Variants in NTRK2 observed in about 807,000 individuals in gnomAD.
NTRK2 encodes neurotrophic receptor tyrosine kinase 2, also known as BDNF/NT-3 growth factors receptor.
A neutral mutation model predicts 94.5 loss-of-function variants in NTRK2; 13 were observed. That is an observed-to-expected ratio of 0.14 (90% CI 0.09 to 0.22). NTRK2 has a LOEUF of 0.22. Among genes scored for constraint, NTRK2 ranks in the 10% least tolerant of loss-of-function variants. The pLI, the probability that NTRK2 is intolerant of heterozygous loss-of-function variation, is 1.00. For missense variants in NTRK2, 639 were observed against 1,071.2 expected, an observed-to-expected ratio of 0.60 and a Z score of 5.63; for synonymous variants, 372 against 407.4, an observed-to-expected ratio of 0.91 and a Z score of 1.05.
intron 14 of NTRK2, among the ~76,000 whole-genome samples, chr9:84,881,451 T>C (rs961397332): frequency 1.3e-5 from 2 of 152,242 alleles, no homozygotes; most frequent in East Asian, 1.9e-4. Context: ...TAAATACTTA[T>C]TGGCAATTTT....
chr9:84,926,194 C>CT (rs2077802907), intron 14 of NTRK2, among the ~76,000 whole-genome samples: 2 of 130,040 alleles, frequency 1.5e-5, no homozygotes, highest in African/African-American at 5.9e-5. Context: ...TTCTTTCTTT[C>CT]TTTCTTTCTT....
At chr9:84,907,195 T>A (rs561400997) in intron 14 of NTRK2, among the ~76,000 whole-genome samples, 19 of 152,302 alleles carry the variant, frequency 1.2e-4, no homozygotes, top group Non-Finnish European at 2.4e-4. Flanking sequence ...TCCTATAGCT[T>A]TGTCCATACC....
intron 12 of NTRK2, among the ~76,000 whole-genome samples, chr9:84,801,726 C>A (rs1340773712): frequency 1.3e-5 from 2 of 152,168 alleles, no homozygotes; most frequent in South Asian, 4.1e-4. Flanking sequence ...ATTTTCAGCT[C>A]ATGATGGGTT....
At chr9:84,842,123 C>T (rs557650963) in intron 12 of NTRK2, among the ~76,000 whole-genome samples, 2 of 152,292 alleles carry the variant, frequency 1.3e-5, no homozygotes, top group South Asian at 4.2e-4. Context: ...TTTTCATGTC[C>T]AGCCAGTCTT....
chr9:84,883,183 G>A (rs897516192), intron 14 of NTRK2, among the ~76,000 whole-genome samples: 1 of 152,198 alleles, frequency 6.6e-6, no homozygotes, highest in Non-Finnish European at 1.5e-5. Context: ...CAGACGATTA[G>A]GATAAATGTA....
chr9:84,810,469 T>C (rs1233557778), intron 12 of NTRK2: 3 of 1,322,272 alleles, frequency 2.3e-6, no homozygotes, highest in Non-Finnish European at 3.2e-6. Context: ...TTGAAAGTTA[T>C]TGTACTTGTA....
intron 17 of NTRK2, among the ~76,000 whole-genome samples, chr9:85,011,473 G>A (rs1452843799): frequency 6.6e-6 from 1 of 152,146 alleles, no homozygotes; most frequent in South Asian, 2.1e-4. Flanking sequence ...GTTGAATGAG[G>A]TCATAAGAGT....
intron 14 of NTRK2, among the ~76,000 whole-genome samples, chr9:84,900,230 T>C (rs1458714011): frequency 1.3e-5 from 2 of 152,168 alleles, no homozygotes; most frequent in Non-Finnish European, 2.9e-5. Context: ...AGAGGTCCTG[T>C]AATTGTATCT....
intron 17 of NTRK2, among the ~76,000 whole-genome samples, chr9:84,991,078 C>T (rs907751927): frequency 5.3e-5 from 8 of 152,170 alleles, no homozygotes; most frequent in Non-Finnish European, 8.8e-5. Context: ...TGGATGGATT[C>T]GTCCCTTCCC....
chr9:84,805,476 C>T (rs1324200920), intron 12 of NTRK2, among the ~76,000 whole-genome samples: 4 of 152,170 alleles, frequency 2.6e-5, no homozygotes, highest in African/African-American at 9.7e-5. Context: ...AACTCTGCAG[C>T]CTTCACTATA....
chr9:84,708,606 T>A (rs911764459), intron 5 of NTRK2, among the ~76,000 whole-genome samples: 3 of 152,182 alleles, frequency 2.0e-5, no homozygotes, highest in South Asian at 2.1e-4. Context: ...CCTCAAAGCA[T>A]CCTAATGCAG....
chr9:84,755,545 T>G (rs2065009946), intron 12 of NTRK2, among the ~76,000 whole-genome samples: 1 of 146,784 alleles, frequency 6.8e-6, no homozygotes, highest in Admixed American at 6.8e-5. Flanking sequence ...TTTTTTTTTT[T>G]TTTTTTTTGG....
At chr9:84,689,117 G>C (rs1341076903) in intron 2 of NTRK2, among the ~76,000 whole-genome samples, 1 of 152,258 alleles carries the variant, frequency 6.6e-6, no homozygotes, top group Non-Finnish European at 1.5e-5. Context: ...GCTTATATGT[G>C]TGCGCATGTG....
intron 15 of NTRK2, among the ~76,000 whole-genome samples, chr9:84,944,277 T>TC: frequency 6.6e-6 from 1 of 151,140 alleles, no homozygotes; most frequent in East Asian, 2.0e-4. Flanking sequence ...TTTTTTTTTT[T>TC]TTTGAGACGG....
intron 17 of NTRK2, among the ~76,000 whole-genome samples, chr9:84,970,079 A>G (rs1214381038): frequency 2.0e-5 from 3 of 152,018 alleles, no homozygotes; most frequent in Admixed American, 2.0e-4. Flanking sequence ...TCTCAACACT[A>G]TTTCTTCAAC....
At chr9:84,852,509 G>A (rs2074827308) in intron 12 of NTRK2, among the ~76,000 whole-genome samples, 1 of 152,154 alleles carries the variant, frequency 6.6e-6, no homozygotes, top group Non-Finnish European at 1.5e-5. Flanking sequence ...TTATTATTAA[G>A]CAGAGGTTGC....
In NTRK2 at chr9:84,725,683, TA is replaced by T. The variant is rs200014814; in HGVS notation, c.853+1328del. 3.7e-3 allele frequency among the ~76,000 whole-genome samples: 549 copies of T among 148,860 alleles called. 4 individuals carry two copies. Among genetic ancestry groups the T allele is most frequent in the African/African-American group, 0.013 (516 of 40,970 alleles). The stretch of plus-strand genomic sequence containing the variant: ...TATTATGTATATATATATGCATATG[TA>T]TAATATATATAGGGTCTCCCCAAAT... On this transcript the variant is annotated intron_variant, in intron 8 of 18. Coordinates refer to ENST00000277120, the MANE Select transcript of NTRK2 (RefSeq NM_006180.6).
chr9:84,733,651 C>T (rs1297433149), intron 9 of NTRK2, among the ~76,000 whole-genome samples: 1 of 152,162 alleles, frequency 6.6e-6, no homozygotes, highest in East Asian at 1.9e-4. Context: ...GCTGCTTATT[C>T]CTGTCCCCTG....
At chr9:84,835,289 A>G (rs2073805298) in intron 12 of NTRK2, among the ~76,000 whole-genome samples, 1 of 152,010 alleles carries the variant, frequency 6.6e-6, no homozygotes, top group Admixed American at 6.6e-5. Flanking sequence ...CCCCTTCATC[A>G]TTATCAATCA....
Sources: allele counts gnomAD v4.1 joint callset (sites outside exome capture counted in the v4.1 genomes callset), GRCh38; gene constraint gnomAD v4.1.1; transcripts MANE v1.5; gene names NCBI Gene and HGNC (gene_info 2026-07-23, HGNC 2026-07-21).